The following TMTC2 variants were observed in gnomAD, a reference collection of about 807,000 sequenced individuals.
TMTC2 encodes the protein protein O-mannosyl-transferase TMTC2.
In TMTC2, 43 loss-of-function variants were observed where a neutral mutation model predicts 82.4. The ratio of observed to expected loss-of-function variants is 0.52; its 90% CI spans 0.41 to 0.67. The LOEUF is 0.67. Ranked by LOEUF, TMTC2 falls within the 30% of genes least tolerant of loss-of-function variation. TMTC2 has a pLI of 0.00. For synonymous variants in TMTC2, 408 were observed against 381.9 expected, an observed-to-expected ratio of 1.07 and a Z score of -0.80; for missense variants, 919 against 1,012.4, an observed-to-expected ratio of 0.91 and a Z score of 1.25.
At chr12:83,094,311 T>A (rs561853469) in intron 11 of TMTC2, among the ~76,000 whole-genome samples, 1 of 152,352 alleles carries the variant, frequency 6.6e-6, no homozygotes, top group South Asian at 2.1e-4. Context: ...AAGCAATACC[T>A]GCTCTGGGGA....
At chr12:82,897,552 G>C (rs955611850) in intron 3 of TMTC2, among the ~76,000 whole-genome samples, 5 of 151,984 alleles carry the variant, frequency 3.3e-5, no homozygotes, top group Admixed American at 2.6e-4. Context: ...TTGAGACCGG[G>C]TCTTGCTCTG....
At chr12:82,808,194 C>G (rs1165925435) in intron 1 of TMTC2, among the ~76,000 whole-genome samples, 1 of 151,798 alleles carries the variant, frequency 6.6e-6, no homozygotes, top group Non-Finnish European at 1.5e-5. Flanking sequence ...ACAATTACCT[C>G]ACAGTAAAAA....
chr12:83,079,052 A>G (rs1279824099), intron 11 of TMTC2, among the ~76,000 whole-genome samples: 2 of 152,178 alleles, frequency 1.3e-5, no homozygotes, highest in South Asian at 2.1e-4. Flanking sequence ...TACTAATACA[A>G]TTAATAACTA....
intron 1 of TMTC2, among the ~76,000 whole-genome samples, chr12:82,849,644 T>C (rs1278534665): frequency 1.3e-5 from 2 of 152,116 alleles, no homozygotes; most frequent in Non-Finnish European, 2.9e-5. Context: ...CTTACTAAGC[T>C]TAAGGTACTG....
At chr12:82,895,574 A>G (rs1461554184) in intron 2 of TMTC2, among the ~76,000 whole-genome samples, 2 of 152,254 alleles carry the variant, frequency 1.3e-5, no homozygotes, top group East Asian at 3.9e-4. Context: ...TATTTTAGAG[A>G]GAAAAAAATA....
At chr12:83,064,378 A>G (rs1031292531) in intron 11 of TMTC2, among the ~76,000 whole-genome samples, 1 of 151,798 alleles carries the variant, frequency 6.6e-6, no homozygotes, top group African/African-American at 2.4e-5. Context: ...TCATAAAACC[A>G]CTCCAGACTG....
chr12:83,077,140 C>T (rs1182466446), intron 11 of TMTC2, among the ~76,000 whole-genome samples: 1 of 152,166 alleles, frequency 6.6e-6, no homozygotes, highest in Non-Finnish European at 1.5e-5. Context: ...TCAGAAAATG[C>T]TACCCCAAAT....
At chr12:83,003,492 T>C (rs1434082927) in intron 8 of TMTC2, among the ~76,000 whole-genome samples, 1 of 152,172 alleles carries the variant, frequency 6.6e-6, no homozygotes, top group East Asian at 1.9e-4. Flanking sequence ...CTTGATTGTA[T>C]AGTTGTTATA....
intron 2 of TMTC2, among the ~76,000 whole-genome samples, chr12:82,866,458 A>G (rs969227824): frequency 3.9e-5 from 6 of 152,174 alleles, no homozygotes; most frequent in Non-Finnish European, 7.3e-5. Flanking sequence ...AATTTCAACC[A>G]GTTAACTCAA....
At chr12:83,060,935 T>C (rs1027128074) in intron 10 of TMTC2, among the ~76,000 whole-genome samples, 2 of 151,728 alleles carry the variant, frequency 1.3e-5, no homozygotes, top group African/African-American at 4.8e-5. Flanking sequence ...AGGATTTGGC[T>C]GTGAGCAAGA....
intron 1 of TMTC2, among the ~76,000 whole-genome samples, chr12:82,692,920 C>T (rs1872638470): frequency 6.6e-6 from 1 of 152,114 alleles, no homozygotes; most frequent in South Asian, 2.1e-4. Flanking sequence ...TAATTACATA[C>T]AGTGCTAAAT....
Position 83,018,862 on chromosome 12 carries a change from G to A in TMTC2, c.2071-11936G>A, listed in dbSNP as rs573317620. On this transcript the variant is annotated intron_variant, in intron 8 of 11. Coordinates refer to ENST00000321196, the MANE Select transcript of TMTC2 (RefSeq NM_152588.3). ...AGTGTTTGCTTTTGCAAGATGTTTA[G>A]CATTCTTCGTGCATCTTTGACCACC... 5.9e-5 allele frequency among the ~76,000 whole-genome samples: 9 copies of A among 152,266 alleles called. No individual in the cohort carries two copies. The South Asian group carries it at 1.9e-3, about 32-fold the overall frequency.
intron 2 of TMTC2, among the ~76,000 whole-genome samples, chr12:82,881,054 GA>G (rs1199358857): frequency 6.6e-6 from 1 of 151,884 alleles, no homozygotes; most frequent in African/African-American, 2.4e-5. Context: ...ACATCTTAAT[GA>G]AAAAAATACG....
At chr12:82,796,103 C>T (rs976792781) in intron 1 of TMTC2, among the ~76,000 whole-genome samples, 6 of 152,068 alleles carry the variant, frequency 3.9e-5, no homozygotes, top group Non-Finnish European at 5.9e-5. Context: ...TGAGTATGAG[C>T]GGCCTCCCAT....
At chr12:82,741,413 C>T (rs1156254984) in intron 1 of TMTC2, among the ~76,000 whole-genome samples, 1 of 152,146 alleles carries the variant, frequency 6.6e-6, no homozygotes, top group East Asian at 1.9e-4. Flanking sequence ...CAGCTACAAG[C>T]AGTTCTCCTG....
At chr12:82,902,318 A>G (rs1214504105) in intron 3 of TMTC2, among the ~76,000 whole-genome samples, 1 of 152,134 alleles carries the variant, frequency 6.6e-6, no homozygotes, top group Non-Finnish European at 1.5e-5. Context: ...CTTAGCCTCC[A>G]GCAGCTTGTC....
chr12:82,882,166 A>T (rs1872862191), intron 2 of TMTC2, among the ~76,000 whole-genome samples: 1 of 150,064 alleles, frequency 6.7e-6, no homozygotes, highest in African/African-American at 2.5e-5. Context: ...CGCCCAGCTA[A>T]TTTTTTGTAT....
chr12:82,730,769 A>C (rs1450578328), intron 1 of TMTC2, among the ~76,000 whole-genome samples: 2 of 152,176 alleles, frequency 1.3e-5, no homozygotes, highest in African/African-American at 4.8e-5. Context: ...ACCTTACCTT[A>C]TTGTGGGCTC....
At chr12:83,045,228 T>C (rs565910413) in intron 9 of TMTC2, among the ~76,000 whole-genome samples, 12 of 152,334 alleles carry the variant, frequency 7.9e-5, no homozygotes, top group African/African-American at 2.9e-4. Flanking sequence ...TTTTATATCA[T>C]CTGGTTTTCC....
Sources: allele counts gnomAD v4.1 joint callset (sites outside exome capture counted in the v4.1 genomes callset), GRCh38; gene constraint gnomAD v4.1.1; transcripts MANE v1.5; gene names NCBI Gene and HGNC (gene_info 2026-07-23, HGNC 2026-07-21).